The following CHN2 variants were observed in gnomAD, a reference collection of about 807,000 sequenced individuals.
CHN2 encodes beta-chimaerin.
CHN2 carries 35 observed loss-of-function variants against 56.3 expected under a neutral mutation model. The ratio of observed to expected loss-of-function variants is 0.62; its 90% CI spans 0.47 to 0.82. The LOEUF (loss-of-function observed/expected upper bound fraction) is 0.82, where lower values mean the gene tolerates loss of function less well. Ranked by LOEUF, CHN2 falls within the 40% of genes least tolerant of loss-of-function variation. The probability of loss-of-function intolerance (pLI) is 0.00; values close to 1 mark genes in which losing one functional copy is unlikely to be tolerated. For synonymous variants in CHN2, 210 were observed against 212.8 expected (o/e 0.99, Z 0.12); for missense variants, 491 against 580.5 (o/e 0.85, Z 1.58).
At chr7:29,169,053 T>C (rs376272982) in intron 2 of CHN2, among the ~76,000 whole-genome samples, 16 of 152,030 alleles carry the variant, frequency 1.1e-4, no homozygotes, top group African/African-American at 3.6e-4. Flanking sequence ...TTGATTTTCA[T>C]AGGCAATTCT....
chr7:29,278,576 G>T (rs1791417668), intron 1 of CHN2, among the ~76,000 whole-genome samples: 1 of 152,148 alleles, frequency 6.6e-6, no homozygotes, highest in South Asian at 2.1e-4. Context: ...AATTCATCTT[G>T]CTTCTCTAGG....
intron 2 of CHN2, among the ~76,000 whole-genome samples, chr7:29,170,453 AT>A (rs1796451752): frequency 6.6e-6 from 1 of 152,120 alleles, no homozygotes; most frequent in South Asian, 2.1e-4. Flanking sequence ...CACATGTTAG[AT>A]TTTCCCCCAT....
chr7:29,161,963 C>A (rs1489009780), intron 2 of CHN2, among the ~76,000 whole-genome samples: 1 of 152,124 alleles, frequency 6.6e-6, no homozygotes, highest in Admixed American at 6.5e-5. Flanking sequence ...AAGTTAAAAT[C>A]ACCAAGACAG....
intron 1 of CHN2, among the ~76,000 whole-genome samples, chr7:29,300,185 A>C (rs778060909): frequency 6.6e-6 from 1 of 152,196 alleles, no homozygotes; most frequent in Non-Finnish European, 1.5e-5. Flanking sequence ...CTTACATGTC[A>C]AGCTAAGGAA....
At chr7:29,437,811 T>A (rs1783351102) in intron 6 of CHN2, among the ~76,000 whole-genome samples, 2 of 152,020 alleles carry the variant, frequency 1.3e-5, no homozygotes, top group Non-Finnish European at 2.9e-5. Context: ...AAAAAGCTAT[T>A]ATATCATTTA....
chr7:29,423,263 A>T (rs1471503203), intron 6 of CHN2, among the ~76,000 whole-genome samples: 1 of 152,194 alleles, frequency 6.6e-6, no homozygotes, highest in Non-Finnish European at 1.5e-5. Context: ...GCTGGAATGC[A>T]CTGCCCCTGC....
chr7:29,269,763 G>A (rs1375902651), intron 1 of CHN2, among the ~76,000 whole-genome samples: 1 of 152,250 alleles, frequency 6.6e-6, no homozygotes, highest in Admixed American at 6.5e-5. Context: ...GACTGAGGAT[G>A]TCAGGCAAAC....
intron 3 of CHN2, among the ~76,000 whole-genome samples, chr7:29,386,146 G>A (rs1435010834): frequency 3.9e-5 from 6 of 152,176 alleles, no homozygotes; most frequent in Non-Finnish European, 4.4e-5. Flanking sequence ...AAAGAAATGG[G>A]AGATTTTAGA....
At chr7:29,273,353 A>ATATATATATATATATATGTGTATG (rs1562881888) in intron 1 of CHN2, among the ~76,000 whole-genome samples, 2 of 63,370 alleles carry the variant, frequency 3.2e-5, no homozygotes, top group African/African-American at 7.6e-5. Context: ...GTATATATAT[A>ATATATATATATATATATGTGTATG]TATATATATA....
chr7:29,449,757 AG>A (rs1187658363), intron 6 of CHN2, among the ~76,000 whole-genome samples: 9 of 152,250 alleles, frequency 5.9e-5, no homozygotes, highest in Non-Finnish European at 1.0e-4. Flanking sequence ...CACTGGGCTC[AG>A]GTAAAGGCCC....
intron 6 of CHN2, among the ~76,000 whole-genome samples, chr7:29,473,090 G>A (rs1470580033): frequency 2.0e-5 from 3 of 152,244 alleles, no homozygotes; most frequent in Non-Finnish European, 2.9e-5. Context: ...GGTGGCAGGG[G>A]CCAGACCCCA....
intron 1 of CHN2, chr7:29,199,414 T>G (rs1397967707): frequency 6.6e-6 from 1 of 152,258 alleles, no homozygotes; most frequent in Non-Finnish European, 1.5e-5. Flanking sequence ...TATTCAATTA[T>G]GTCTAAAAAA....
At chr7:29,315,823 G>A (rs1180296212) in intron 1 of CHN2, among the ~76,000 whole-genome samples, 11 of 152,042 alleles carry the variant, frequency 7.2e-5, no homozygotes, top group Non-Finnish European at 4.4e-5. Flanking sequence ...TTTTTAAATC[G>A]TGAAAATGCT....
intron 1 of CHN2, among the ~76,000 whole-genome samples, chr7:29,325,137 C>A (rs1190319256): frequency 6.6e-6 from 1 of 152,132 alleles, no homozygotes; most frequent in Non-Finnish European, 1.5e-5. Context: ...GCCACCTGTA[C>A]CTTTGAGAAT....
intron 3 of CHN2, among the ~76,000 whole-genome samples, chr7:29,377,098 G>A (rs1321960184): frequency 6.6e-6 from 1 of 152,150 alleles, no homozygotes; most frequent in Non-Finnish European, 1.5e-5. Flanking sequence ...CATGATCTCG[G>A]CTCACTGCAA....
At chr7:29,234,692 C>A (rs1483811065) in intron 1 of CHN2, among the ~76,000 whole-genome samples, 1 of 152,160 alleles carries the variant, frequency 6.6e-6, no homozygotes, top group African/African-American at 2.4e-5. Flanking sequence ...TTTTCTTTTC[C>A]ATTTCTCATC....
intron 2 of CHN2, among the ~76,000 whole-genome samples, chr7:29,158,051 CAAAT>C (rs953479152): frequency 7.9e-5 from 12 of 152,006 alleles, no homozygotes; most frequent in African/African-American, 1.7e-4. Flanking sequence ...GGGAGGTAAT[CAAAT>C]AAAGGAGAAA....
At chr7:29,175,179 CT>C (rs141269641) in intron 2 of CHN2, among the ~76,000 whole-genome samples, 17,859 of 142,780 alleles carry the variant, frequency 0.13, 1,193 homozygotes, top group African/African-American at 0.19. Flanking sequence ...TTTCTTTTTC[CT>C]TTTTTTTTTT....
chr7:29,374,001 A>T (rs1166045801), intron 3 of CHN2, among the ~76,000 whole-genome samples: 1 of 152,264 alleles, frequency 6.6e-6, no homozygotes, highest in Non-Finnish European at 1.5e-5. Flanking sequence ...GTCTTAAAGT[A>T]ATGAGATTGA....
Sources: allele counts gnomAD v4.1 joint callset (sites outside exome capture counted in the v4.1 genomes callset), GRCh38; gene constraint gnomAD v4.1.1; transcripts MANE v1.5; gene names NCBI Gene and HGNC (gene_info 2026-07-23, HGNC 2026-07-21).